CADM1: variants seen among roughly 807,000 people sequenced by gnomAD.
CADM1 encodes the protein TSLC-1.
Under a neutral mutation model 53.1 loss-of-function variants are expected in CADM1, and 15 were observed. The ratio of observed to expected loss-of-function variants is 0.28; its 90% CI spans 0.19 to 0.44. The LOEUF (loss-of-function observed/expected upper bound fraction) is 0.44, where lower values mean the gene tolerates loss of function less well. Ranked by LOEUF, CADM1 falls within the 20% of genes least tolerant of loss-of-function variation. The probability of loss-of-function intolerance (pLI) is 1.00; values close to 1 mark genes in which losing one functional copy is unlikely to be tolerated. For missense variants in CADM1, 434 were observed against 611.3 expected, an observed-to-expected ratio of 0.71 and a Z score of 3.06; for synonymous variants, 281 against 243.0, an observed-to-expected ratio of 1.16 and a Z score of -1.45.
Position 115,401,341 on chromosome 11 carries a change from GCCCACGCCTGTAAT to G in CADM1, c.124+102916_124+102929del, listed in dbSNP as rs1424856411. ...GATCAGGGGTTGGCCAGGCGCGGTG[GCCCACGCCTGTAAT>G]CCCAGCACTTTGGGAGGCCGAGGCG... On this transcript the variant is annotated intron_variant, in intron 1 of 11. Transcript: ENST00000331581. 9.2e-5 allele frequency among the ~76,000 whole-genome samples: 14 copies of G among 152,330 alleles called. No individual in the cohort carries two copies. The East Asian group carries it at 2.7e-3, about 29-fold the overall frequency.
At chr11:115,459,690 G>GA (rs754758281) in intron 1 of CADM1, among the ~76,000 whole-genome samples, 3 of 152,156 alleles carry the variant, frequency 2.0e-5, no homozygotes, top group East Asian at 3.9e-4. Flanking sequence ...TGGAAGGATT[G>GA]AAAAGACTTT....
chr11:115,487,179 CT>C (rs1949392892), intron 1 of CADM1, among the ~76,000 whole-genome samples: 1 of 152,074 alleles, frequency 6.6e-6, no homozygotes. Flanking sequence ...AAGTAAAACA[CT>C]TTTTTCAAAG....
At chr11:115,340,792 C>T (rs1309276423) in intron 1 of CADM1, among the ~76,000 whole-genome samples, 1 of 149,824 alleles carries the variant, frequency 6.7e-6, no homozygotes, top group East Asian at 2.0e-4. Context: ...TCCCCAGTAA[C>T]TGGGATTACA....
intron 1 of CADM1, among the ~76,000 whole-genome samples, chr11:115,487,676 C>G (rs901640668): frequency 6.6e-6 from 1 of 152,124 alleles, no homozygotes; most frequent in Non-Finnish European, 1.5e-5. Flanking sequence ...GAAAACTGAA[C>G]AGTGGTTAAA....
intron 1 of CADM1, among the ~76,000 whole-genome samples, chr11:115,318,313 C>T (rs1473297991): frequency 6.6e-6 from 1 of 152,084 alleles, no homozygotes; most frequent in African/African-American, 2.4e-5. Context: ...ATCTGTTGGC[C>T]TCATAAATAA....
At chr11:115,318,118 C>G (rs1944722604) in intron 1 of CADM1, among the ~76,000 whole-genome samples, 1 of 152,002 alleles carries the variant, frequency 6.6e-6, no homozygotes, top group Non-Finnish European at 1.5e-5. Context: ...TACTGTCTAG[C>G]AAAGTAAAAA....
rs532083087 is a variant in CADM1, at chr11:115,194,241, T to C, written c.1112-3300A>G. 192 of 152,362 alleles carry C rather than the reference T, an allele frequency of 1.3e-3. 3 individuals carry two copies. The highest frequency in any genetic ancestry group is 4.5e-3 in the African/African-American group (187 of 41,590). 9.4% of individuals were successfully genotyped at this position (152,362 alleles called of 1,614,324 possible). ...ACACAGATGGTGGACATAGCGGTTG[T>C]AGTAATGCGCACTGCTGGCTATGTT... On this transcript the variant is annotated intron_variant, in intron 9 of 11. Transcript: ENST00000331581.
At chr11:115,484,707 G>C (rs1056572602) in intron 1 of CADM1, among the ~76,000 whole-genome samples, 1 of 152,116 alleles carries the variant, frequency 6.6e-6, no homozygotes, top group East Asian at 1.9e-4. Flanking sequence ...CAGCACTTTG[G>C]GAGGCCGAGG....
chr11:115,481,962 C>A, intron 1 of CADM1, among the ~76,000 whole-genome samples: 1 of 152,290 alleles, frequency 6.6e-6, no homozygotes, highest in Non-Finnish European at 1.5e-5. Flanking sequence ...AAAACCCAGA[C>A]TTCTCTTTAT....
chr11:115,328,680 GTATA>G (rs1218872899), intron 1 of CADM1, among the ~76,000 whole-genome samples: 1 of 35,776 alleles, frequency 2.8e-5, no homozygotes, highest in Non-Finnish European at 6.6e-5. Flanking sequence ...ATATATATGT[GTATA>G]TATATGTGTA....
At position 115,302,974 on chromosome 11, in the gene CADM1, A is replaced by T. The variant is rs182244520; in HGVS notation, c.125-62554T>A. On this transcript the variant is annotated intron_variant, in intron 1 of 11. Transcript: ENST00000331581. Reference sequence around the variant, plus strand: ...GAAGAAAAAAGGAAAGAAAAAGAGCAGCTATTTCTGCTGCTAGACATGAAA... The same window carrying T: ...GAAGAAAAAAGGAAAGAAAAAGAGCTGCTATTTCTGCTGCTAGACATGAAA... Among the ~76,000 whole-genome samples the T allele has an allele frequency of 3.9e-5, 6 of 152,236 alleles. No homozygotes were observed. The East Asian group carries it at 1.2e-3, about 29-fold the overall frequency.
In CADM1 at chr11:115,238,670, G is replaced by T. The variant is rs1942097035; in HGVS notation, c.272-18C>A. On this transcript the variant is annotated intron_variant, in intron 2 of 11. Coordinates refer to ENST00000331581, the MANE Select transcript of CADM1 (RefSeq NM_001301043.2). ...CTTCAAAGCTGTGAAACAAAACAGAGAGTTAGTGATTGTGAGAAGGTGGAC... is the reference window on the plus strand; with the variant it reads ...CTTCAAAGCTGTGAAACAAAACAGATAGTTAGTGATTGTGAGAAGGTGGAC... 1 of 1,613,202 alleles carries T rather than the reference G, an allele frequency of 6.2e-7. No individual in the cohort carries two copies. Among genetic ancestry groups the T allele is most frequent in the Non-Finnish European group, 8.5e-7 (1 of 1,179,472 alleles).
chr11:115,409,950 G>A (rs12286211), intron 1 of CADM1, among the ~76,000 whole-genome samples: 2 of 152,176 alleles, frequency 1.3e-5, no homozygotes, highest in Non-Finnish European at 2.9e-5. Flanking sequence ...TTTCAGAACA[G>A]ACAACACATC....
At chr11:115,341,613 T>C (rs189528269) in intron 1 of CADM1, among the ~76,000 whole-genome samples, 49 of 152,304 alleles carry the variant, frequency 3.2e-4, no homozygotes, top group South Asian at 2.7e-3. Context: ...AATCTAACTG[T>C]TGACCTAGAA....
At position 115,175,948 on chromosome 11, in the gene CADM1, G is replaced by A; in HGVS notation, c.*526C>T. 2 of 1,031,404 alleles carry A rather than the reference G, an allele frequency of 1.9e-6. No individual in the cohort carries two copies. Among genetic ancestry groups the A allele is most frequent in the Non-Finnish European group, 2.3e-6 (2 of 858,454 alleles). 63.9% of individuals were successfully genotyped at this position (1,031,404 alleles called of 1,614,324 possible). ...TTCTGAACTATGAAATCTAAGCTGTGCTGGTTCTCCTTTTATGAAACTGAA... is the reference window on the plus strand; with the variant it reads ...TTCTGAACTATGAAATCTAAGCTGTACTGGTTCTCCTTTTATGAAACTGAA... On this transcript the variant is annotated 3_prime_UTR_variant, in exon 12 of 12. Coordinates refer to ENST00000331581, the MANE Select transcript of CADM1 (RefSeq NM_001301043.2).
chr11:115,348,735 G>C (rs1243392642), intron 1 of CADM1, among the ~76,000 whole-genome samples: 2 of 152,130 alleles, frequency 1.3e-5, no homozygotes, highest in East Asian at 3.8e-4. Context: ...GAGTGGATAA[G>C]TGCCGTGAGC....
intron 10 of CADM1, among the ~76,000 whole-genome samples, chr11:115,189,208 G>T (rs1325072556): frequency 6.6e-6 from 1 of 152,112 alleles, no homozygotes; most frequent in East Asian, 1.9e-4. Flanking sequence ...CTTCTGACTT[G>T]GGTGATTGAT....
Position 115,289,289 on chromosome 11 carries a change from C to T in CADM1, c.125-48869G>A, listed in dbSNP as rs183841357. 1.2e-3 allele frequency among the ~76,000 whole-genome samples: 188 copies of T among 152,030 alleles called. 1 individual carries two copies. The highest frequency in any genetic ancestry group is 4.3e-3 in the African/African-American group (177 of 41,488). Reference sequence around the variant, plus strand: ...CTGAGGCAGGAGAATTGTTTGAACCCGCAGGGTGGAGGTTGCAGTGAGCAG... The same window carrying T: ...CTGAGGCAGGAGAATTGTTTGAACCTGCAGGGTGGAGGTTGCAGTGAGCAG... On this transcript the variant is annotated intron_variant, in intron 1 of 11. Transcript: ENST00000331581.
intron 1 of CADM1, among the ~76,000 whole-genome samples, chr11:115,300,984 C>T (rs1565352160): frequency 1.3e-5 from 2 of 151,972 alleles, no homozygotes; most frequent in Non-Finnish European, 2.9e-5. Flanking sequence ...CCTCCACCGC[C>T]CCCCCACCAC....
Sources: gnomAD v4.1 joint callset for allele counts (sites outside exome capture counted in the v4.1 genomes callset) on GRCh38, gnomAD v4.1.1 for gene constraint, MANE v1.5 for transcripts, NCBI Gene and HGNC (gene_info 2026-07-23, HGNC 2026-07-21) for gene names.